PSMG2: variants seen among roughly 807,000 people sequenced by gnomAD.
The protein encoded by PSMG2 is proteasome assembly chaperone 2, also known as CD40 ligand-activated specific transcript 3.
Under a neutral mutation model 31.5 loss-of-function variants are expected in PSMG2, and 21 were observed. The ratio of observed to expected loss-of-function variants is 0.67; its 90% CI spans 0.47 to 0.96. The LOEUF is 0.96. Among genes scored for constraint, PSMG2 ranks in the 40% least tolerant of loss-of-function variants. PSMG2 has a pLI of 0.00. For synonymous variants in PSMG2, 120 were observed against 110.4 expected (o/e 1.09, Z -0.54); for missense variants, 318 against 321.2 (o/e 0.99, Z 0.08).
chr18:12,678,376 TG>T, intron 1 of PSMG2: 1 of 1,614,128 alleles, frequency 6.2e-7, no homozygotes, highest in African/African-American at 1.3e-5. Flanking sequence ...TTGTTCGATA[TG>T]GGTACAGTGG....
intron 3 of PSMG2, among the ~76,000 whole-genome samples, chr18:12,713,408 A>G (rs958998814): frequency 6.6e-6 from 1 of 152,180 alleles, no homozygotes; most frequent in Non-Finnish European, 1.5e-5. Context: ...GTCGACCTCA[A>G]ATCTGCCTCC....
At chr18:12,722,508 T>G (rs890368180) in intron 5 of PSMG2, among the ~76,000 whole-genome samples, 1 of 152,170 alleles carries the variant, frequency 6.6e-6, no homozygotes, top group Non-Finnish European at 1.5e-5. Flanking sequence ...TGGGTCTGTC[T>G]TCTTGGGTAT....
intron 2 of PSMG2, among the ~76,000 whole-genome samples, chr18:12,707,471 A>G (rs971324230): frequency 1.3e-5 from 2 of 152,168 alleles, no homozygotes; most frequent in Non-Finnish European, 2.9e-5. Flanking sequence ...ATCTTCTTCC[A>G]TTATAGGATC....
upstream of PSMG2, chr18:12,701,063 T>C: frequency 6.2e-7 from 1 of 1,613,834 alleles, no homozygotes; most frequent in East Asian, 2.2e-5. Context: ...GTGCCAATTC[T>C]TCCCGTATAG....
chr18:12,725,112 A>G (rs2040464355), intron 6 of PSMG2, among the ~76,000 whole-genome samples: 1 of 152,234 alleles, frequency 6.6e-6, no homozygotes, highest in Admixed American at 6.5e-5. Flanking sequence ...ATGGGTAACT[A>G]GCTTTTTAAT....
intron 4 of PSMG2, among the ~76,000 whole-genome samples, chr18:12,719,882 C>T (rs925327177): frequency 2.6e-5 from 4 of 151,056 alleles, no homozygotes; most frequent in Non-Finnish European, 5.9e-5. Flanking sequence ...TGCCACCACA[C>T]CCGGCTAATT....
At chr18:12,688,105 C>G (rs2039609295) in intron 1 of PSMG2, among the ~76,000 whole-genome samples, 1 of 151,484 alleles carries the variant, frequency 6.6e-6, no homozygotes, top group African/African-American at 2.4e-5. Flanking sequence ...ATTAGCCAGG[C>G]ATGTGGTCCC....
At chr18:12,694,508 C>T (rs1238717752) in intron 1 of PSMG2, among the ~76,000 whole-genome samples, 3 of 152,142 alleles carry the variant, frequency 2.0e-5, no homozygotes, top group Non-Finnish European at 4.4e-5. Flanking sequence ...AGTAATTCAT[C>T]AGAGACCTGA....
chr18:12,703,395 C>G (rs900843222), intron 1 of PSMG2, among the ~76,000 whole-genome samples: 1 of 152,240 alleles, frequency 6.6e-6, no homozygotes, highest in Non-Finnish European at 1.5e-5. Context: ...TCTCTGTTTC[C>G]TGTAAAACGT....
At chr18:12,701,206 C>T, upstream of PSMG2, 1 of 860,654 alleles carries the variant, frequency 1.2e-6, no homozygotes, top group East Asian at 2.5e-5. Flanking sequence ...ACAGTAAATG[C>T]ACAATTGTTA....
upstream of PSMG2, chr18:12,700,183 C>A (rs1467948846): frequency 1.8e-5 from 4 of 223,556 alleles, no homozygotes; most frequent in East Asian, 3.5e-4. Context: ...ATACCTTCAA[C>A]AAGGTTAAAC....
intron 1 of PSMG2, among the ~76,000 whole-genome samples, chr18:12,677,748 C>CAA (rs1359085106): frequency 2.6e-5 from 4 of 152,160 alleles, no homozygotes; most frequent in African/African-American, 9.7e-5. Context: ...CATGAGCCAT[C>CAA]AAGCCCAGCC....
chr18:12,671,628 A>C (rs992355349), intron 1 of PSMG2, among the ~76,000 whole-genome samples: 2 of 147,080 alleles, frequency 1.4e-5, no homozygotes, highest in Middle Eastern at 3.5e-3. Context: ...TTGAGGAATC[A>C]GGTTTCACAC....
intron 1 of PSMG2, among the ~76,000 whole-genome samples, chr18:12,673,843 T>C (rs922132685): frequency 1.3e-5 from 2 of 152,170 alleles, no homozygotes; most frequent in African/African-American, 4.8e-5. Flanking sequence ...AATGTGCCAC[T>C]GCACTACAGC....
At chr18:12,712,649 C>G (rs1018622396) in intron 2 of PSMG2, 53 bp from the exon 3 acceptor site, 48 of 1,326,954 alleles carry the variant, frequency 3.6e-5, no homozygotes, top group Non-Finnish European at 4.9e-5. Context: ...ATAATAATTT[C>G]AACTTGTATA....
chr18:12,721,099 G>A (rs1325660815), intron 5 of PSMG2, among the ~76,000 whole-genome samples: 1 of 149,904 alleles, frequency 6.7e-6, no homozygotes, highest in African/African-American at 2.5e-5. Context: ...AGAATGGTGT[G>A]AACCCGAGAG....
rs188329277 is a variant in PSMG2, at chr18:12,723,644, G to A, written c.582-855G>A. Among the ~76,000 whole-genome samples the A allele has an allele frequency of 1.8e-4, 27 of 152,122 alleles. No individual in the cohort carries two copies. The East Asian group carries it at 5.0e-3, about 28-fold the overall frequency. On this transcript the variant is annotated intron_variant, in intron 5 of 6. Transcript: ENST00000317615. The stretch of plus-strand genomic sequence containing the variant: ...TGACCTCAAATGATTTGCCCACCTC[G>A]GCCTCCCAAAGTGCTGGGATTACAG...
At chr18:12,680,982 T>C (rs2039327210) in intron 1 of PSMG2, among the ~76,000 whole-genome samples, 1 of 152,140 alleles carries the variant, frequency 6.6e-6, no homozygotes, top group Non-Finnish European at 1.5e-5. Context: ...GTGGATCACA[T>C]GACGTCAGGA....
chr18:12,681,838 T>C (rs1026405048), intron 1 of PSMG2, among the ~76,000 whole-genome samples: 1 of 151,826 alleles, frequency 6.6e-6, no homozygotes, highest in Non-Finnish European at 1.5e-5. Flanking sequence ...TATAAAAAAA[T>C]AGAAAATATT....
Sources: gnomAD v4.1 joint callset for allele counts (sites outside exome capture counted in the v4.1 genomes callset) on GRCh38, gnomAD v4.1.1 for gene constraint, MANE v1.5 for transcripts, NCBI Gene and HGNC (gene_info 2026-07-23, HGNC 2026-07-21) for gene names.